The following PALM2AKAP2 variants were observed in gnomAD, a reference collection of about 807,000 sequenced individuals.
PALM2AKAP2 encodes the protein PALM2 and AKAP2 fusion, also known as PALM2-AKAP2 fusion protein.
In PALM2AKAP2, 37 loss-of-function variants were observed where a neutral mutation model predicts 71.5. The ratio of observed to expected loss-of-function variants is 0.52; its 90% CI spans 0.40 to 0.68. The LOEUF (loss-of-function observed/expected upper bound fraction) is 0.68. PALM2AKAP2 is among the 30% of genes least tolerant of loss of function. PALM2AKAP2 has a pLI of 0.00. For synonymous variants in PALM2AKAP2, 468 were observed against 478.8 expected (o/e 0.98, Z 0.29); for missense variants, 1,224 against 1,191.8 (o/e 1.03, Z -0.40).
At chr9:109,985,218 AT>A (rs1832350539) in intron 6 of PALM2AKAP2, among the ~76,000 whole-genome samples, 1 of 151,798 alleles carries the variant, frequency 6.6e-6, no homozygotes, top group Non-Finnish European at 1.5e-5. Flanking sequence ...AAAACTAGAT[AT>A]TTTGCACGTT....
At chr9:110,003,389 C>A (rs1000529946) in intron 6 of PALM2AKAP2, among the ~76,000 whole-genome samples, 14 of 152,104 alleles carry the variant, frequency 9.2e-5, no homozygotes, top group Admixed American at 8.5e-4. Context: ...GCACTGTGGT[C>A]TGAGAGAGTT....
chr9:109,891,508 A>G (rs1157916059), intron 3 of PALM2AKAP2, among the ~76,000 whole-genome samples: 12 of 152,110 alleles, frequency 7.9e-5, no homozygotes. Context: ...TGTGTGAGAC[A>G]GAGTCTCACT....
intron 1 of PALM2AKAP2, among the ~76,000 whole-genome samples, chr9:109,731,188 T>A (rs935965569): frequency 6.6e-6 from 1 of 152,244 alleles, no homozygotes; most frequent in Non-Finnish European, 1.5e-5. Flanking sequence ...CAGAGGAGAT[T>A]GTGTCTTAAT....
chr9:109,920,668 C>T (rs935756053), intron 3 of PALM2AKAP2, among the ~76,000 whole-genome samples: 4 of 152,052 alleles, frequency 2.6e-5, no homozygotes, highest in East Asian at 1.9e-4. Flanking sequence ...CATGAGTCAT[C>T]GCAACCGGCC....
chr9:110,155,726 G>A (rs931928252), intron 2 of PALM2AKAP2, among the ~76,000 whole-genome samples: 6 of 152,170 alleles, frequency 3.9e-5, no homozygotes, highest in South Asian at 2.1e-4. Flanking sequence ...GTGTAAGACC[G>A]GGGCAAACTG....
chr9:110,102,025 G>C (rs1835012245), intron 1 of PALM2AKAP2, among the ~76,000 whole-genome samples: 1 of 152,150 alleles, frequency 6.6e-6, no homozygotes, highest in South Asian at 2.1e-4. Flanking sequence ...ACACTCCAAG[G>C]ACCACACTCT....
chr9:110,102,691 A>G (rs1020520677), intron 1 of PALM2AKAP2, among the ~76,000 whole-genome samples: 1 of 152,092 alleles, frequency 6.6e-6, no homozygotes, highest in Non-Finnish European at 1.5e-5. Context: ...AGGCTTAGGT[A>G]GACCAGCAAG....
chr9:109,977,610 T>G (rs1326830511), intron 6 of PALM2AKAP2, among the ~76,000 whole-genome samples: 3 of 152,186 alleles, frequency 2.0e-5, no homozygotes, highest in African/African-American at 7.2e-5. Flanking sequence ...GTCAGGAGTC[T>G]TTGGGTTGCA....
intron 1 of PALM2AKAP2, among the ~76,000 whole-genome samples, chr9:109,782,744 T>TG (rs1826849241): frequency 5.5e-5 from 8 of 144,196 alleles, no homozygotes; most frequent in East Asian, 2.0e-4. Flanking sequence ...GTGTGTTTGT[T>TG]TGTGTGTGTG....
chr9:110,157,155 A>G (rs1175064982), intron 3 of PALM2AKAP2, among the ~76,000 whole-genome samples: 1 of 152,092 alleles, frequency 6.6e-6, no homozygotes, highest in Non-Finnish European at 1.5e-5. Context: ...AGACATAGGA[A>G]CTGTTGCTCT....
At chr9:110,151,892 G>A (rs568684452) in intron 2 of PALM2AKAP2, among the ~76,000 whole-genome samples, 2 of 152,312 alleles carry the variant, frequency 1.3e-5, no homozygotes, top group South Asian at 4.1e-4. Flanking sequence ...AGGTCTACAT[G>A]GCACTGTGTG....
intron 1 of PALM2AKAP2, among the ~76,000 whole-genome samples, chr9:109,665,240 C>T (rs1435815922): frequency 7.9e-5 from 12 of 152,132 alleles, no homozygotes; most frequent in Middle Eastern, 3.4e-3. Context: ...GGCAAGTACC[C>T]GCGCTCCTTT....
intron 1 of PALM2AKAP2, among the ~76,000 whole-genome samples, chr9:109,817,438 ATAAT>A (rs1159049402): frequency 2.6e-5 from 4 of 152,220 alleles, no homozygotes; most frequent in Non-Finnish European, 1.5e-5. Context: ...TCAAACCCCT[ATAAT>A]TAGAGTTCAG....
rs945220798 is a variant in PALM2AKAP2 at position 109,741,136 on chromosome 9, C to A, written c.6-39352C>A. Among the ~76,000 whole-genome samples, 27 of 152,098 alleles carry A rather than the reference C, an allele frequency of 1.8e-4. 1 individual carries two copies. Among genetic ancestry groups the A allele is most frequent in the Admixed American group, 1.5e-3 (23 of 15,268 alleles). On this transcript the variant is annotated intron_variant, in intron 1 of 6. Coordinates refer to the PALM2AKAP2 transcript ENST00000374531. ...AAGTTTATTTGTGATGCTTTCTAGT[C>A]AATTCTCCACCTGCTCCCAGCCCAG...
intron 6 of PALM2AKAP2, among the ~76,000 whole-genome samples, chr9:109,961,943 C>T (rs7020587): frequency 0.01 from 1,553 of 152,336 alleles, 33 homozygotes; most frequent in African/African-American, 0.035. Flanking sequence ...GGCTTCTGGC[C>T]TGTGCCACTT....
chr9:109,792,583 C>G (rs1026708817), intron 1 of PALM2AKAP2, among the ~76,000 whole-genome samples: 2 of 152,092 alleles, frequency 1.3e-5, no homozygotes, highest in Non-Finnish European at 2.9e-5. Flanking sequence ...CTAAGTCATT[C>G]TGCTTGGGGC....
chr9:109,728,760 C>G (rs907460264), intron 1 of PALM2AKAP2, among the ~76,000 whole-genome samples: 1 of 151,860 alleles, frequency 6.6e-6, no homozygotes, highest in African/African-American at 2.4e-5. Context: ...AATTTAAAAC[C>G]ACACCACCCC....
At chr9:109,856,457 T>C (rs1829168283) in intron 1 of PALM2AKAP2, among the ~76,000 whole-genome samples, 1 of 152,312 alleles carries the variant, frequency 6.6e-6, no homozygotes, top group Non-Finnish European at 1.5e-5. Context: ...GGCAGGTCTT[T>C]TGTGTTAAGA....
chr9:109,687,006 C>T (rs1190862717), intron 1 of PALM2AKAP2, among the ~76,000 whole-genome samples: 3 of 152,134 alleles, frequency 2.0e-5, no homozygotes, highest in Non-Finnish European at 4.4e-5. Context: ...AGGACATGAA[C>T]TCATCATTTT....
Sources: allele counts gnomAD v4.1 joint callset (sites outside exome capture counted in the v4.1 genomes callset), GRCh38; gene constraint gnomAD v4.1.1; transcripts MANE v1.5; gene names NCBI Gene and HGNC (gene_info 2026-07-23, HGNC 2026-07-21).